NKD1: variants seen among roughly 807,000 people sequenced by gnomAD.
NKD1 encodes the protein NKD inhibitor of Wnt signaling pathway 1, also known as protein naked cuticle homolog 1.
A neutral mutation model predicts 56.0 loss-of-function variants in NKD1; 21 were observed. The ratio of observed to expected loss-of-function variants is 0.38; its 90% confidence interval spans 0.27 to 0.54. NKD1 has a LOEUF of 0.54. Among genes scored for constraint, NKD1 ranks in the 20% least tolerant of loss-of-function variants. The pLI is 0.82. For missense variants in NKD1, 578 were observed against 642.7 expected, an observed-to-expected ratio of 0.90 and a Z score of 1.09; for synonymous variants, 263 against 265.7, an observed-to-expected ratio of 0.99 and a Z score of 0.10.
At chr16:50,566,014 A>C (rs1159337458) in intron 3 of NKD1, 1 of 241,438 alleles carries the variant, frequency 4.1e-6, no homozygotes, top group Admixed American at 6.5e-5. Context: ...CACACACTGC[A>C]CATCCTGATA....
At chr16:50,580,086 A>G (rs755855464) in intron 3 of NKD1, among the ~76,000 whole-genome samples, 1 of 151,080 alleles carries the variant, frequency 6.6e-6, no homozygotes, top group Non-Finnish European at 1.5e-5. Context: ...CATGCACTCT[A>G]ACCCACTAAG....
At chr16:50,550,276 G>A (rs1207086083) in intron 3 of NKD1, among the ~76,000 whole-genome samples, 2 of 152,164 alleles carry the variant, frequency 1.3e-5, no homozygotes, top group South Asian at 2.1e-4. Flanking sequence ...AACTCTGCAC[G>A]GGGCTTTCAG....
chr16:50,551,167 T>C (rs1960375324), intron 3 of NKD1, among the ~76,000 whole-genome samples: 1 of 152,028 alleles, frequency 6.6e-6, no homozygotes, highest in Non-Finnish European at 1.5e-5. Context: ...GTCTGTCGTT[T>C]TTAATTAAAT....
Position 50,646,294 on chromosome 16 carries a change from G to A in NKD1, c.*12513G>A, listed in dbSNP as rs955510473. On this transcript the variant is annotated 3_prime_UTR_variant, in exon 10 of 10. Coordinates refer to ENST00000268459, the MANE Select transcript of NKD1 (RefSeq NM_033119.5). The stretch of plus-strand genomic sequence containing the variant: ...ATAACTTAGAACTTCAAAGCTGAGT[G>A]TGTGGATAATGCAAATTGCTGAAAT... 8.7e-5 allele frequency: 13 copies of A among 150,048 alleles called. No homozygotes were observed. Among genetic ancestry groups the A allele is most frequent in the African/African-American group, 3.2e-4 (13 of 40,912 alleles). 9.3% of individuals were successfully genotyped at this position (150,048 alleles called of 1,614,324 possible).
At chr16:50,586,884 C>T (rs560228702) in intron 3 of NKD1, among the ~76,000 whole-genome samples, 3 of 152,166 alleles carry the variant, frequency 2.0e-5, no homozygotes, top group Admixed American at 6.5e-5. Flanking sequence ...TCCTGCTCTG[C>T]CTTCAAGAAA....
chr16:50,611,499 C>T (rs4785440), intron 4 of NKD1, among the ~76,000 whole-genome samples: 8,785 of 152,266 alleles, frequency 0.058, 535 homozygotes, highest in African/African-American at 0.15. Context: ...ACTGGCCTGG[C>T]GTGCGCATGT....
chr16:50,583,804 A>G (rs754144838), intron 3 of NKD1, among the ~76,000 whole-genome samples: 12 of 152,202 alleles, frequency 7.9e-5, no homozygotes, highest in Non-Finnish European at 1.5e-5. Context: ...TGATGGAGCG[A>G]GTAGAGTTGT....
chr16:50,584,564 A>G (rs1433137956), intron 3 of NKD1, among the ~76,000 whole-genome samples: 1 of 152,232 alleles, frequency 6.6e-6, no homozygotes, highest in African/African-American at 2.4e-5. Context: ...TCTCATCTGT[A>G]AAATGGGTAT....
At chr16:50,575,810 CT>C (rs1960981955) in intron 3 of NKD1, among the ~76,000 whole-genome samples, 1 of 152,216 alleles carries the variant, frequency 6.6e-6, no homozygotes, top group African/African-American at 2.4e-5. Context: ...TTGTTGCATC[CT>C]TTGGAGCAGG....
In NKD1 at chr16:50,642,603, G is replaced by A. The variant is rs7199150; in HGVS notation, c.*8822G>A. ...ATTGGGGTAACTACCTTACTGAGCTGTTATGAGTAAATGATCCAGTGGGCG... is the reference window on the plus strand; with the variant it reads ...ATTGGGGTAACTACCTTACTGAGCTATTATGAGTAAATGATCCAGTGGGCG... On this transcript the variant is annotated 3_prime_UTR_variant, in exon 10 of 10. Coordinates refer to ENST00000268459, the MANE Select transcript of NKD1 (RefSeq NM_033119.5). The A allele has an allele frequency of 0.6, 90,538 of 152,132 alleles. 27,837 individuals are homozygous for A. The highest frequency in any genetic ancestry group is 0.67 in the Non-Finnish European group (45,398 of 68,006). The allele number at this position is 152,132 out of a possible 1,614,324, so 9.4% of individuals were successfully genotyped here. A position where few individuals can be genotyped will look rare whatever the true frequency, so the allele number is the denominator to read the frequency against.
rs779766710 is a variant in NKD1, at chr16:50,621,617, A to G, written c.275A>G (p.Glu92Gly). ...DFRLEVALPP[E>G]KTDGLGSGDE... The stretch of plus-strand genomic sequence containing the variant: ...TCCCCGACAGTGGCCCTGCCTCCTG[A>G]GAAGACTGACGGGCTGGGCAGCGGA... Residue 92 changes from glutamate to glycine, a missense_variant, in exon 5 of 10, where the codon GAG becomes GGG. Glu to Gly is a moderately conservative substitution (Grantham distance 98). Coordinates refer to ENST00000268459, the MANE Select transcript of NKD1 (RefSeq NM_033119.5). The G allele has an allele frequency of 1.2e-6, 2 of 1,613,762 alleles. No individual in the cohort carries two copies. The highest frequency in any genetic ancestry group is 1.3e-5 in the African/African-American group (1 of 75,054).
intron 3 of NKD1, among the ~76,000 whole-genome samples, chr16:50,562,986 A>ACCACCACCC (rs1376803515): frequency 3.3e-5 from 2 of 60,434 alleles, no homozygotes; most frequent in African/African-American, 1.9e-4. Context: ...TCCCACCACC[A>ACCACCACCC]CCCCCCCCCC....
chr16:50,587,499 G>A (rs140927165), intron 3 of NKD1, among the ~76,000 whole-genome samples: 162 of 152,290 alleles, frequency 1.1e-3, no homozygotes, highest in African/African-American at 3.7e-3. Context: ...GGCTTTCCAC[G>A]TAACTTTTGT....
rs138964473 is a variant in NKD1, at chr16:50,598,262, T to TGTGTGTGTGTGTGCGCGC, written c.193-10031_193-10030insTGTGTGTGTGTGCGCGCG. ...GTGTGTGTGTGTGTGTGTGTGTGTGTGCGCGCACACCTGTGCTCATGGACA... is the reference window on the plus strand; with the variant it reads ...GTGTGTGTGTGTGTGTGTGTGTGTGTGTGTGTGTGTGTGCGCGCGCGCGCACACCTGTGCTCATGGACA... On this transcript the variant is annotated intron_variant, in intron 3 of 9. Coordinates refer to ENST00000268459, the MANE Select transcript of NKD1 (RefSeq NM_033119.5). The surrounding 1 kb of genome is among the most constrained non-coding windows in gnomAD (Gnocchi z 4.2). Among the ~76,000 whole-genome samples the TGTGTGTGTGTGTGCGCGC allele has an allele frequency of 1.9e-3, 280 of 148,642 alleles. 2 individuals carry two copies. Among genetic ancestry groups the TGTGTGTGTGTGTGCGCGC allele is most frequent in the African/African-American group, 6.9e-3 (269 of 39,134 alleles).
intron 3 of NKD1, among the ~76,000 whole-genome samples, chr16:50,576,134 T>C (rs1328444015): frequency 6.6e-6 from 1 of 152,254 alleles, no homozygotes; most frequent in African/African-American, 2.4e-5. Flanking sequence ...GGCTTATTCC[T>C]GCCTTTTGTT....
At chr16:50,557,467 C>T (rs563065278) in intron 3 of NKD1, 8 of 152,308 alleles carry the variant, frequency 5.3e-5, no homozygotes, top group Admixed American at 5.2e-4. Flanking sequence ...GTTAGAATCT[C>T]ATACTCTGTT....
chr16:50,633,923 T>G lies in NKD1; in HGVS notation c.*142T>G. The G allele has an allele frequency of 3.8e-6, 2 of 524,174 alleles. No individual in the cohort carries two copies. Among genetic ancestry groups the G allele is most frequent in the Non-Finnish European group, 6.8e-6 (2 of 295,574 alleles). The allele number at this position is 524,174 out of a possible 1,614,324, so 32.5% of individuals were successfully genotyped here. On this transcript the variant is annotated 3_prime_UTR_variant, in exon 10 of 10. Coordinates refer to ENST00000268459, the MANE Select transcript of NKD1 (RefSeq NM_033119.5). This position sits in a 1 kb window ranked among gnomAD's most constrained non-coding sequence, Gnocchi z 4.9. ...TTACTCCACTAATATTTAGCTAGCC[T>G]ACATGTAGAAGATCTATGGAAACAC...
At chr16:50,613,525 C>T (rs1490042660) in intron 4 of NKD1, 1 of 152,160 alleles carries the variant, frequency 6.6e-6, no homozygotes, top group Admixed American at 6.5e-5. Context: ...CCTGACTCTC[C>T]ACTCCCCTAC....
At chr16:50,596,787 A>C (rs1162623564) in intron 3 of NKD1, among the ~76,000 whole-genome samples, 2 of 152,212 alleles carry the variant, frequency 1.3e-5, no homozygotes, top group African/African-American at 4.8e-5. Context: ...GTTTTAAATA[A>C]AGAGATTTGG....
Sources: gnomAD v4.1 joint callset for allele counts (sites outside exome capture counted in the v4.1 genomes callset) on GRCh38, gnomAD v4.1.1 for gene constraint, Gnocchi (gnomAD v3.1) non-coding constraint, MANE v1.5 for transcripts, NCBI Gene and HGNC (gene_info 2026-07-23, HGNC 2026-07-21) for gene names.